LRMDA: variants seen among roughly 807,000 people sequenced by gnomAD.
LRMDA encodes leucine rich melanocyte differentiation associated, also known as leucine-rich melanocyte differentiation-associated protein.
A neutral mutation model predicts 29.8 loss-of-function variants in LRMDA; 18 were observed. That is an observed-to-expected ratio of 0.60 (90% CI 0.42 to 0.90). The LOEUF (loss-of-function observed/expected upper bound fraction) is 0.90, where lower values mean the gene tolerates loss of function less well. Ranked by LOEUF, LRMDA falls within the 40% of genes least tolerant of loss-of-function variation. The pLI is 0.00. For synonymous variants in LRMDA, 125 were observed against 109.4 expected (o/e 1.14, Z -0.89); for missense variants, 273 against 273.9 (o/e 1.00, Z 0.02).
intron 2 of LRMDA, among the ~76,000 whole-genome samples, chr10:75,813,951 A>T (rs1301848141): frequency 6.6e-6 from 1 of 152,234 alleles, no homozygotes. Context: ...AAATCGAAGC[A>T]TGTGGTCCCC....
intron 2 of LRMDA, among the ~76,000 whole-genome samples, chr10:75,818,686 A>G (rs1844102810): frequency 6.6e-6 from 1 of 152,194 alleles, no homozygotes; most frequent in Non-Finnish European, 1.5e-5. Context: ...GTTCTTTCCA[A>G]ACCGGATCAC....
At chr10:76,232,402 A>G (rs1377999178) in intron 5 of LRMDA, among the ~76,000 whole-genome samples, 1 of 152,244 alleles carries the variant, frequency 6.6e-6, no homozygotes, top group African/African-American at 2.4e-5. Flanking sequence ...AGCATCATAT[A>G]AAACAAAGGT....
chr10:75,999,255 T>A (rs1847521777), intron 2 of LRMDA, among the ~76,000 whole-genome samples: 1 of 152,230 alleles, frequency 6.6e-6, no homozygotes, highest in Non-Finnish European at 1.5e-5. Context: ...TTCCAGTGCG[T>A]GGCTCATGTC....
At chr10:76,357,820 C>T (rs1312980000) in intron 6 of LRMDA, among the ~76,000 whole-genome samples, 1 of 152,192 alleles carries the variant, frequency 6.6e-6, no homozygotes, top group Non-Finnish European at 1.5e-5. Flanking sequence ...CAAACCTGGC[C>T]TTCGTGGTTC....
intron 2 of LRMDA, among the ~76,000 whole-genome samples, chr10:75,991,670 C>T (rs865881046): frequency 6.6e-6 from 1 of 152,186 alleles, no homozygotes; most frequent in Non-Finnish European, 1.5e-5. Flanking sequence ...GTGGTACCTA[C>T]TAGAGTTGAT....
At chr10:76,356,157 T>C (rs1266202421) in intron 6 of LRMDA, among the ~76,000 whole-genome samples, 1 of 152,224 alleles carries the variant, frequency 6.6e-6, no homozygotes, top group African/African-American at 2.4e-5. Context: ...AATTGCAAAG[T>C]GTTTTAGAAA....
intron 2 of LRMDA, among the ~76,000 whole-genome samples, chr10:75,880,069 AT>A (rs1484907599): frequency 1.3e-5 from 2 of 152,220 alleles, no homozygotes; most frequent in South Asian, 2.1e-4. Context: ...TTTTAAAAAA[AT>A]CATTGCTGTT....
At chr10:75,955,847 C>CTCTT (rs1846655085) in intron 2 of LRMDA, among the ~76,000 whole-genome samples, 2 of 152,164 alleles carry the variant, frequency 1.3e-5, no homozygotes, top group South Asian at 4.1e-4. Context: ...CCTCAGGGAG[C>CTCTT]TCTTCCATGG....
chr10:75,489,226 TA>T (rs33952475), intron 2 of LRMDA, among the ~76,000 whole-genome samples: 160 of 132,060 alleles, frequency 1.2e-3, no homozygotes, highest in Middle Eastern at 3.9e-3. Flanking sequence ...GGATTTTTAG[TA>T]AAAAAAAAAA....
intron 6 of LRMDA, among the ~76,000 whole-genome samples, chr10:76,387,464 GGTGGTGCAC>G: frequency 6.6e-6 from 1 of 152,148 alleles, no homozygotes; most frequent in Admixed American, 6.5e-5. Context: ...AGCTGGGCAT[GGTGGTGCAC>G]GTGCGTGTAA....
intron 2 of LRMDA, among the ~76,000 whole-genome samples, chr10:75,951,087 A>G (rs1589264360): frequency 6.6e-6 from 1 of 152,100 alleles, no homozygotes; most frequent in South Asian, 2.1e-4. Flanking sequence ...GCTACCCATC[A>G]TTAGTTAGTA....
chr10:75,644,216 C>A (rs753437179), intron 2 of LRMDA, among the ~76,000 whole-genome samples: 2 of 152,104 alleles, frequency 1.3e-5, no homozygotes, highest in Admixed American at 6.5e-5. Context: ...AGGGGTAAAT[C>A]ATCACCTTTG....
chr10:75,860,525 T>C (rs1844910307), intron 2 of LRMDA, among the ~76,000 whole-genome samples: 1 of 152,036 alleles, frequency 6.6e-6, no homozygotes, highest in Non-Finnish European at 1.5e-5. Context: ...TTTCACCATT[T>C]TGGCCAGACT....
At chr10:75,936,107 T>C (rs572136581) in intron 2 of LRMDA, among the ~76,000 whole-genome samples, 1 of 152,182 alleles carries the variant, frequency 6.6e-6, no homozygotes, top group Non-Finnish European at 1.5e-5. Flanking sequence ...TTGTTTTATA[T>C]TTATCATTGT....
At chr10:75,908,493 A>C (rs542493173) in intron 2 of LRMDA, among the ~76,000 whole-genome samples, 1 of 152,318 alleles carries the variant, frequency 6.6e-6, no homozygotes, top group Admixed American at 6.5e-5. Context: ...TCTATAGTTA[A>C]ATTTACATAC....
intron 5 of LRMDA, among the ~76,000 whole-genome samples, chr10:76,276,648 A>AT (rs142975764): frequency 1.3e-5 from 2 of 151,754 alleles, no homozygotes; most frequent in Non-Finnish European, 2.9e-5. Flanking sequence ...TATGTGGATT[A>AT]TTTTTTTTAC....
chr10:76,275,892 A>G (rs570597751), intron 5 of LRMDA, among the ~76,000 whole-genome samples: 19 of 152,190 alleles, frequency 1.2e-4, no homozygotes, highest in Admixed American at 1.2e-3. Flanking sequence ...TTGAGGCTGT[A>G]TTCATTATCA....
intron 6 of LRMDA, among the ~76,000 whole-genome samples, chr10:76,358,378 G>C (rs944929000): frequency 4.6e-5 from 7 of 152,184 alleles, no homozygotes; most frequent in Non-Finnish European, 8.8e-5. Context: ...TACATCCTTT[G>C]TTCTTGGAGC....
At chr10:76,396,480 G>A (rs1371751360) in intron 6 of LRMDA, 1 of 152,204 alleles carries the variant, frequency 6.6e-6, no homozygotes, top group African/African-American at 2.4e-5. Context: ...CCTTTCCACT[G>A]TTTCTTTTCT....
Sources: allele counts gnomAD v4.1 joint callset (sites outside exome capture counted in the v4.1 genomes callset), GRCh38; gene constraint gnomAD v4.1.1; transcripts MANE v1.5; gene names NCBI Gene and HGNC (gene_info 2026-07-23, HGNC 2026-07-21).